Variants in HPSE2 observed in about 807,000 individuals in gnomAD.
HPSE2 encodes the protein heparanase 2 (inactive), also known as inactive heparanase-2.
HPSE2 carries 38 observed loss-of-function variants against 60.5 expected under a neutral mutation model. That is an observed-to-expected ratio of 0.63 (90% CI 0.48 to 0.82). HPSE2 has a LOEUF of 0.82. HPSE2 is among the 40% of genes least tolerant of loss of function. The pLI is 0.00. For missense variants in HPSE2, 713 were observed against 740.4 expected (o/e 0.96, Z 0.43); for synonymous variants, 295 against 293.2 (o/e 1.01, Z -0.06).
chr10:98,850,629 C>T (rs913408799), intron 3 of HPSE2, among the ~76,000 whole-genome samples: 13 of 148,234 alleles, frequency 8.8e-5, no homozygotes, highest in Admixed American at 2.1e-4. Context: ...CCCAGCTACT[C>T]GGGAGGCTGA....
chr10:98,957,204 T>A (rs1471827606), intron 3 of HPSE2, among the ~76,000 whole-genome samples: 1 of 152,180 alleles, frequency 6.6e-6, no homozygotes, highest in Non-Finnish European at 1.5e-5. Context: ...GCTGCACATG[T>A]CTTTACACTA....
At chr10:99,113,216 T>G (rs10883267) in intron 3 of HPSE2, among the ~76,000 whole-genome samples, 23,403 of 152,128 alleles carry the variant, frequency 0.15, 2,437 homozygotes, top group East Asian at 0.47. Context: ...CTAATCCTCA[T>G]GATCTTATAT....
intron 9 of HPSE2, among the ~76,000 whole-genome samples, chr10:98,560,568 T>G (rs1035983147): frequency 6.6e-6 from 1 of 152,200 alleles, no homozygotes; most frequent in African/African-American, 2.4e-5. Context: ...CAGGCCTTTT[T>G]TTCTTCACCG....
At chr10:98,976,172 C>T (rs947217741) in intron 3 of HPSE2, among the ~76,000 whole-genome samples, 1 of 152,142 alleles carries the variant, frequency 6.6e-6, no homozygotes, top group African/African-American at 2.4e-5. Flanking sequence ...TATGTTCATC[C>T]TGTCTCCTCT....
At chr10:98,704,847 T>C (rs1021904214) in intron 5 of HPSE2, among the ~76,000 whole-genome samples, 1 of 152,190 alleles carries the variant, frequency 6.6e-6, no homozygotes, top group Non-Finnish European at 1.5e-5. Context: ...GACATAGGCA[T>C]GGGCAAAGGC....
In HPSE2 at chr10:99,175,401, C is replaced by G. The variant is rs184751836; in HGVS notation, c.449-31002G>C. On this transcript the variant is annotated intron_variant, in intron 2 of 11. Transcript: ENST00000370552. Reference sequence around the variant, plus strand: ...AAATTCTCGCTGCCAGCACAGCAGTCTGAAGTCGACCTGGGAAGCTCGACC... The same window carrying G: ...AAATTCTCGCTGCCAGCACAGCAGTGTGAAGTCGACCTGGGAAGCTCGACC... 3.5e-3 allele frequency among the ~76,000 whole-genome samples: 533 copies of G among 152,324 alleles called. 4 individuals are homozygous for G. Among genetic ancestry groups the G allele is most frequent in the African/African-American group, 0.012 (511 of 41,578 alleles).
intron 3 of HPSE2, among the ~76,000 whole-genome samples, chr10:98,890,306 T>C (rs1056596024): frequency 2.6e-5 from 4 of 151,588 alleles, no homozygotes; most frequent in Non-Finnish European, 5.9e-5. Context: ...CAGAAAAAAA[T>C]AACTGAAAAA....
At chr10:99,026,813 G>C (rs114967850) in intron 3 of HPSE2, among the ~76,000 whole-genome samples, 1 of 151,910 alleles carries the variant, frequency 6.6e-6, no homozygotes, top group East Asian at 1.9e-4. Context: ...TTAAGGAGAA[G>C]AATAATTTTG....
chr10:98,527,344 T>C (rs1394663105), intron 9 of HPSE2, among the ~76,000 whole-genome samples: 2 of 152,212 alleles, frequency 1.3e-5, no homozygotes, highest in African/African-American at 2.4e-5. Context: ...AAGCTCCTTA[T>C]GGTGATCCGC....
chr10:98,836,110 T>C (rs1951784130), intron 3 of HPSE2, among the ~76,000 whole-genome samples: 2 of 152,238 alleles, frequency 1.3e-5, no homozygotes. Flanking sequence ...CAATATGCTT[T>C]TTGTTTCTGA....
chr10:99,302,292 TG>T, the HPSE2 span, among the ~76,000 whole-genome samples: 2 of 152,068 alleles, frequency 1.3e-5, no homozygotes, highest in African/African-American at 4.8e-5. Context: ...TGCTGTTAAA[TG>T]GAAAGAAAAG....
intron 6 of HPSE2, among the ~76,000 whole-genome samples, chr10:98,692,686 G>C (rs551075001): frequency 1.3e-5 from 2 of 152,048 alleles, no homozygotes; most frequent in African/African-American, 4.8e-5. Flanking sequence ...GGAGATTGGC[G>C]TGAACCCAGG....
At chr10:98,823,864 A>T (rs935396374) in intron 3 of HPSE2, among the ~76,000 whole-genome samples, 1 of 152,226 alleles carries the variant, frequency 6.6e-6, no homozygotes, top group South Asian at 2.1e-4. Context: ...TTTAAAGGAC[A>T]TAATCAACAA....
chr10:99,129,020 G>C (rs1041308399), intron 3 of HPSE2, among the ~76,000 whole-genome samples: 1 of 151,996 alleles, frequency 6.6e-6, no homozygotes, highest in African/African-American at 2.4e-5. Context: ...GGAAAAAACA[G>C]ACTTAAAAGC....
intron 3 of HPSE2, among the ~76,000 whole-genome samples, chr10:98,795,051 G>GGAAGGAAGGAAGGAAGGAAT (rs1213738995): frequency 2.1e-5 from 3 of 145,624 alleles, no homozygotes; most frequent in Non-Finnish European, 3.0e-5. Flanking sequence ...AAGGAAGGAA[G>GGAAGGAAGGAAGGAAGGAAT]GAAGGAAGGA....
chr10:99,087,994 C>G (rs1375357072), intron 3 of HPSE2, among the ~76,000 whole-genome samples: 1 of 151,368 alleles, frequency 6.6e-6, no homozygotes, highest in Non-Finnish European at 1.5e-5. Context: ...ACATATTTGC[C>G]TACTAGATTC....
chr10:99,153,733 C>T (rs1206283512), intron 2 of HPSE2, among the ~76,000 whole-genome samples: 4 of 152,214 alleles, frequency 2.6e-5, no homozygotes, highest in African/African-American at 9.6e-5. Context: ...TCACCAGCAA[C>T]AGAACAAAGC....
At chr10:98,972,563 A>G (rs984694630) in intron 3 of HPSE2, among the ~76,000 whole-genome samples, 3 of 152,156 alleles carry the variant, frequency 2.0e-5, no homozygotes, top group African/African-American at 7.2e-5. Flanking sequence ...TTTATCATAT[A>G]TAAGTGATAC....
chr10:99,282,967 G>A, the HPSE2 span, among the ~76,000 whole-genome samples: 25 of 151,988 alleles, frequency 1.6e-4, no homozygotes, highest in Admixed American at 5.2e-4. Flanking sequence ...GGCAGATCAC[G>A]AGGTCAGGAG....
Sources: gnomAD v4.1 joint callset for allele counts (sites outside exome capture counted in the v4.1 genomes callset) on GRCh38, gnomAD v4.1.1 for gene constraint, MANE v1.5 for transcripts, NCBI Gene and HGNC (gene_info 2026-07-23, HGNC 2026-07-21) for gene names.